The following RAD51B variants were observed in gnomAD, a reference collection of about 807,000 sequenced individuals.
RAD51B encodes the protein RAD51 paralog B.
In RAD51B, 38 loss-of-function variants were observed where a neutral mutation model predicts 42.2. The observed-to-expected ratio is 0.90, with a 90% CI of 0.70 to 1.18. The LOEUF is 1.18. RAD51B is among the 50% of genes most tolerant of loss of function. RAD51B has a pLI of 0.00. For synonymous variants in RAD51B, 154 were observed against 145.2 expected, an observed-to-expected ratio of 1.06 and a Z score of -0.43; for missense variants, 373 against 400.7, an observed-to-expected ratio of 0.93 and a Z score of 0.59.
At position 68,192,356 on chromosome 14, in the gene RAD51B, A is replaced by G. The variant is rs185575829; in HGVS notation, c.757-99528A>G. On this transcript the variant is annotated intron_variant, in intron 7 of 10. Coordinates refer to ENST00000471583, the MANE Select transcript of RAD51B (RefSeq NM_133510.4). ...GTGCTCCTTCTTGTTTCATTGTGAA[A>G]AGAAGAGAAGTTTATATTGCCTTGC... Among the ~76,000 whole-genome samples the G allele has an allele frequency of 9.2e-5, 14 of 152,336 alleles. No homozygotes were observed. In the East Asian group the frequency reaches 2.5e-3, roughly 27 times the overall value.
In RAD51B at chr14:68,133,719, G is replaced by A. The variant is rs139616178; in HGVS notation, c.757-158165G>A. 3.2e-3 allele frequency among the ~76,000 whole-genome samples: 493 copies of A among 152,102 alleles called. 4 individuals are homozygous for A. Among genetic ancestry groups the A allele is most frequent in the African/African-American group, 0.011 (462 of 41,480 alleles). On this transcript the variant is annotated intron_variant, in intron 7 of 10. Transcript: ENST00000471583. The stretch of plus-strand genomic sequence containing the variant: ...GAACTCCTGACCTCGTGATCCTCCC[G>A]CCTTAGCCTCCCAAAGTGCTGGGAT...
chr14:68,675,974 G>A (rs1370936078), intron 11 of RAD51B, among the ~76,000 whole-genome samples: 3 of 152,174 alleles, frequency 2.0e-5, no homozygotes, highest in African/African-American at 7.2e-5. Flanking sequence ...AGGCTATGGT[G>A]AGAAAGTCAG....
chr14:68,277,345 A>T (rs2081244373), intron 7 of RAD51B, among the ~76,000 whole-genome samples: 3 of 152,140 alleles, frequency 2.0e-5, no homozygotes, highest in Admixed American at 2.0e-4. Flanking sequence ...CAAGCAGCTC[A>T]TCCTTATTTC....
At chr14:68,097,236 G>A (rs1295597246) in intron 7 of RAD51B, among the ~76,000 whole-genome samples, 2 of 151,388 alleles carry the variant, frequency 1.3e-5, no homozygotes, top group Non-Finnish European at 2.9e-5. Context: ...TAGTAAAAGT[G>A]TAAATTTCAT....
intron 7 of RAD51B, among the ~76,000 whole-genome samples, chr14:67,889,661 G>T (rs1223303312): frequency 6.6e-6 from 1 of 151,500 alleles, no homozygotes; most frequent in Non-Finnish European, 1.5e-5. Flanking sequence ...CCTTATGTGC[G>T]CATGAATGCA....
chr14:68,045,236 CAAA>C (rs537073885), intron 7 of RAD51B, among the ~76,000 whole-genome samples: 2 of 22,090 alleles, frequency 9.1e-5, no homozygotes, highest in African/African-American at 1.8e-4. Context: ...AACTCTGTCT[CAAA>C]AAAAAAAAAA....
intron 7 of RAD51B, among the ~76,000 whole-genome samples, chr14:68,093,582 C>T (rs2077140734): frequency 6.6e-6 from 1 of 151,938 alleles, no homozygotes; most frequent in Admixed American, 6.6e-5. Flanking sequence ...CTATTTGATT[C>T]ATCTCTTTTT....
chr14:68,017,396 G>C (rs575448712), intron 7 of RAD51B, among the ~76,000 whole-genome samples: 1 of 151,902 alleles, frequency 6.6e-6, no homozygotes, highest in Non-Finnish European at 1.5e-5. Flanking sequence ...AGGTTTCACC[G>C]TGTTGCCTAG....
At chr14:68,477,535 G>A in intron 10 of RAD51B, 113 bp from the exon 11 acceptor site, 1 of 1,287,706 alleles carries the variant, frequency 7.8e-7, no homozygotes, top group Non-Finnish European at 1.1e-6. Flanking sequence ...CAATACGTAT[G>A]AAAGAGGACT....
chr14:67,881,567 C>T (rs868571632), intron 5 of RAD51B, among the ~76,000 whole-genome samples: 1 of 152,202 alleles, frequency 6.6e-6, no homozygotes, highest in Non-Finnish European at 1.5e-5. Context: ...CGATCCCCAT[C>T]TCCTCAACTC....
intron 7 of RAD51B, among the ~76,000 whole-genome samples, chr14:68,131,516 T>G (rs2077890992): frequency 1.3e-5 from 2 of 152,084 alleles, no homozygotes; most frequent in African/African-American, 4.8e-5. Flanking sequence ...ACCAACATGG[T>G]GAAACCCTGC....
chr14:67,865,241 CTTT>C (rs1269999800), intron 5 of RAD51B, 102 bp downstream of exon 5: 1,040 of 875,546 alleles, frequency 1.2e-3, no homozygotes, highest in South Asian at 2.5e-3. Flanking sequence ...TCCCCCTTGC[CTTT>C]TTTTTTTTTT....
At chr14:68,649,833 G>T (rs1268915830) in intron 10 of RAD51B, among the ~76,000 whole-genome samples, 1 of 152,156 alleles carries the variant, frequency 6.6e-6, no homozygotes, top group Admixed American at 6.5e-5. Context: ...ATACTGATAT[G>T]AGCACAAAAT....
intron 7 of RAD51B, among the ~76,000 whole-genome samples, chr14:68,081,725 C>A (rs1357710572): frequency 3.9e-5 from 6 of 152,116 alleles, no homozygotes; most frequent in Non-Finnish European, 7.4e-5. Context: ...TGGCTTGCTT[C>A]TTCAGTGCCC....
intron 8 of RAD51B, among the ~76,000 whole-genome samples, chr14:68,360,528 G>A (rs2083001567): frequency 6.6e-6 from 1 of 152,232 alleles, no homozygotes; most frequent in Non-Finnish European, 1.5e-5. Context: ...TACTGGGCAT[G>A]TGCCATGTAC....
chr14:68,532,593 A>T (rs1887379949), intron 10 of RAD51B, among the ~76,000 whole-genome samples: 1 of 152,222 alleles, frequency 6.6e-6, no homozygotes, highest in South Asian at 2.1e-4. Context: ...GCTACCACAA[A>T]TCAGAGCCTT....
intron 7 of RAD51B, among the ~76,000 whole-genome samples, chr14:67,948,942 A>AC (rs1566973663): frequency 6.0e-5 from 9 of 149,596 alleles, no homozygotes; most frequent in African/African-American, 2.2e-4. Context: ...AAAAAAAAAA[A>AC]AAAAAAAAAA....
chr14:68,555,397 G>A (rs894661771), intron 10 of RAD51B, among the ~76,000 whole-genome samples: 5 of 152,194 alleles, frequency 3.3e-5, no homozygotes, highest in African/African-American at 7.2e-5. Flanking sequence ...TACATGAAAC[G>A]CGCCAGAGTG....
At chr14:68,546,452 G>A (rs1020864294) in intron 10 of RAD51B, among the ~76,000 whole-genome samples, 3 of 152,136 alleles carry the variant, frequency 2.0e-5, no homozygotes, top group African/African-American at 7.2e-5. Context: ...GGGAAGTAAG[G>A]GAGCATAGAT....
Sources: allele counts gnomAD v4.1 joint callset (sites outside exome capture counted in the v4.1 genomes callset), GRCh38; gene constraint gnomAD v4.1.1; transcripts MANE v1.5; gene names NCBI Gene and HGNC (gene_info 2026-07-23, HGNC 2026-07-21).